NHS: variants seen among roughly 807,000 people sequenced by gnomAD.
NHS encodes the protein actin remodeling regulator NHS.
In NHS, 5 loss-of-function variants were observed where a neutral mutation model predicts 72.5. That is an observed-to-expected ratio of 0.07 (90% CI 0.04 to 0.14). The LOEUF (loss-of-function observed/expected upper bound fraction) is 0.14, where lower values mean the gene tolerates loss of function less well. NHS is among the 10% of genes least tolerant of loss of function. The pLI is 1.00. For synonymous variants in NHS, 464 were observed against 547.7 expected, an observed-to-expected ratio of 0.85 and a Z score of 2.13; for missense variants, 1,072 against 1,355.7, an observed-to-expected ratio of 0.79 and a Z score of 3.29.
chrX:17,520,358 C>A lies in NHS; in HGVS notation c.565+144036C>A, dbSNP rs1404125410. Among the ~76,000 whole-genome samples, 4 of 112,421 alleles carry A rather than the reference C, an allele frequency of 3.6e-5. No homozygotes were observed. In the Admixed American group the frequency reaches 3.7e-4, roughly 11 times the overall value. ...AAGATCTAAGAGTGGATAATGAAAG[C>A]ACAGACAGTGATAGTCTTGCTGACT... On this transcript the variant is annotated intron_variant, in intron 1 of 8. Coordinates refer to ENST00000676302, the MANE Select transcript of NHS (RefSeq NM_001291867.2).
intron 1 of NHS, among the ~76,000 whole-genome samples, chrX:17,385,741 A>C (rs992468941): frequency 1.8e-5 from 2 of 111,880 alleles, no homozygotes; most frequent in African/African-American, 6.5e-5. Context: ...AATCTCATAC[A>C]AACAGTTTCC....
chrX:17,534,120 G>GTGTGTGCA (rs1230119355), intron 1 of NHS, among the ~76,000 whole-genome samples: 3 of 112,206 alleles, frequency 2.7e-5, no homozygotes, highest in African/African-American at 9.7e-5. Flanking sequence ...GTGTGTGTGT[G>GTGTGTGCA]TGCATACACA....
chrX:17,546,865 C>A (rs377009912), intron 1 of NHS, among the ~76,000 whole-genome samples: 19 of 112,476 alleles, frequency 1.7e-4, no homozygotes, highest in African/African-American at 6.1e-4. Flanking sequence ...CTTGGCATGG[C>A]ATGATCATTG....
intron 1 of NHS, among the ~76,000 whole-genome samples, chrX:17,602,749 G>A (rs7886294): frequency 0.54 from 57,522 of 107,160 alleles, 13,496 homozygotes; most frequent in African/African-American, 0.88. Context: ...AAGACAGAAG[G>A]CAATGTTTAT....
chrX:17,557,423 C>T (rs903089640), intron 1 of NHS: 1 of 108,602 alleles, frequency 9.2e-6, no homozygotes, highest in African/African-American at 3.4e-5. Flanking sequence ...AGGTAGAATA[C>T]AAGGAAGGGG....
At chrX:17,544,500 CTTTA>C (rs781409634) in intron 1 of NHS, among the ~76,000 whole-genome samples, 8 of 111,838 alleles carry the variant, frequency 7.2e-5, no homozygotes, top group African/African-American at 1.6e-4. Context: ...AATAAAAATA[CTTTA>C]TTTATTTATT....
At chrX:17,662,926 T>C (rs1157929558) in intron 1 of NHS, among the ~76,000 whole-genome samples, 1 of 112,168 alleles carries the variant, frequency 8.9e-6, no homozygotes, top group Non-Finnish European at 1.9e-5. Context: ...GGTTATTGTT[T>C]TTCATTGGGA....
Position 17,376,088 on chromosome X carries a change from TCGGCGG to T in NHS, c.345_350del (p.Ala116_Ala117del). The T allele has an allele frequency of 1.9e-6, 2 of 1,079,915 alleles. No individual in the cohort carries two copies. The highest frequency in any genetic ancestry group is 1.2e-6 in the Non-Finnish European group (1 of 838,816). The allele number at this position is 1,079,915 out of a possible 1,213,427, so 89.0% of individuals were successfully genotyped here. On this transcript the variant is annotated inframe_deletion, in exon 1 of 9. Coordinates refer to ENST00000676302, the MANE Select transcript of NHS (RefSeq NM_001291867.2). Reference sequence around the variant, plus strand: ...GGCGCCCGCAGCCGGCGAGGCGTCCTCGGCGGCGGCGGCGGCGGCCGTGCTGCTCAT... The same window carrying T: ...GGCGCCCGCAGCCGGCGAGGCGTCCTCGGCGGCGGCGGCCGTGCTGCTCAT...
intron 1 of NHS, among the ~76,000 whole-genome samples, chrX:17,447,785 G>GCACACACACACACACA (rs58710651): frequency 4.5e-5 from 4 of 89,646 alleles, no homozygotes; most frequent in Admixed American, 1.3e-4. Context: ...ACACACACAC[G>GCACACACACACACACA]CACACACACA....
chrX:17,720,293 A>G (rs2066398422), intron 4 of NHS, among the ~76,000 whole-genome samples: 1 of 112,062 alleles, frequency 8.9e-6, no homozygotes, highest in Non-Finnish European at 1.9e-5. Flanking sequence ...ACTTGAGAAC[A>G]GTTCATTTGA....
At chrX:17,527,105 G>A (rs2065176852) in intron 1 of NHS, among the ~76,000 whole-genome samples, 1 of 112,743 alleles carries the variant, frequency 8.9e-6, no homozygotes, top group Non-Finnish European at 1.9e-5. Flanking sequence ...AGTTCACCCT[G>A]TTGGGCTTGT....
chrX:17,431,867 C>T (rs1482986883), intron 1 of NHS, among the ~76,000 whole-genome samples: 2 of 111,943 alleles, frequency 1.8e-5, no homozygotes, highest in Non-Finnish European at 3.8e-5. Context: ...TCCTGGAGCA[C>T]ATAGAACAAT....
At chrX:17,632,544 C>T (rs750118661) in intron 1 of NHS, among the ~76,000 whole-genome samples, 70 of 110,028 alleles carry the variant, frequency 6.4e-4, no homozygotes, top group Middle Eastern at 4.7e-3. Flanking sequence ...TTATTGAGCA[C>T]CTATTATGTG....
chrX:17,664,575 T>C (rs1294190814), intron 1 of NHS, among the ~76,000 whole-genome samples: 2 of 112,489 alleles, frequency 1.8e-5, no homozygotes, highest in Non-Finnish European at 3.8e-5. Flanking sequence ...ATGTCTACTT[T>C]CTTGCCAAAA....
rs746144538 is a variant in NHS, at chrX:17,533,125, C to T, written c.566-154617C>T. On this transcript the variant is annotated intron_variant, in intron 1 of 8. Coordinates refer to ENST00000676302, the MANE Select transcript of NHS (RefSeq NM_001291867.2). The stretch of plus-strand genomic sequence containing the variant: ...GCAAGTGTCTGCCCCGCCCACCACA[C>T]AGGAGTGTGGGGGCAGCAAAGACAT... 2.9e-4 allele frequency among the ~76,000 whole-genome samples: 32 copies of T among 112,095 alleles called. No homozygotes were observed. The East Asian group carries it at 3.4e-3, about 12-fold the overall frequency.
At chrX:17,456,155 G>C (rs151204953) in intron 1 of NHS, among the ~76,000 whole-genome samples, 1 of 111,789 alleles carries the variant, frequency 8.9e-6, no homozygotes, top group Non-Finnish European at 1.9e-5. Flanking sequence ...TGCCCATGAA[G>C]AACTCATGTA....
intron 3 of NHS, among the ~76,000 whole-genome samples, chrX:17,695,287 C>G (rs962249672): frequency 8.9e-6 from 1 of 112,059 alleles, no homozygotes; most frequent in African/African-American, 3.2e-5. Context: ...CATCAAAGCA[C>G]TGTTTACAAT....
intron 1 of NHS, among the ~76,000 whole-genome samples, chrX:17,641,890 C>A (rs750344912): frequency 2.1e-3 from 238 of 111,838 alleles, no homozygotes; most frequent in African/African-American, 7.2e-3. Flanking sequence ...TTGAGCTAGG[C>A]TTTGATGAAT....
At chrX:17,554,645 TG>T (rs1271592607) in intron 1 of NHS, among the ~76,000 whole-genome samples, 3 of 111,644 alleles carry the variant, frequency 2.7e-5, no homozygotes, top group Non-Finnish European at 5.7e-5. Flanking sequence ...CAAGGAACTG[TG>T]TCGTGGTTGG....
Sources: allele counts gnomAD v4.1 joint callset (sites outside exome capture counted in the v4.1 genomes callset), GRCh38; gene constraint gnomAD v4.1.1; transcripts MANE v1.5; gene names NCBI Gene and HGNC (gene_info 2026-07-23, HGNC 2026-07-21).